Variants in PPP1R12B observed in about 807,000 individuals in gnomAD.
PPP1R12B encodes protein phosphatase 1 regulatory subunit 12B.
Under a neutral mutation model 126.1 loss-of-function variants are expected in PPP1R12B, and 76 were observed. That is an observed-to-expected ratio of 0.60 (90% CI 0.50 to 0.73). The LOEUF is 0.73. PPP1R12B is among the 30% of genes least tolerant of loss of function. The probability of loss-of-function intolerance (pLI) is 0.00; values close to 1 mark genes in which losing one functional copy is unlikely to be tolerated. For synonymous variants in PPP1R12B, 356 were observed against 434.7 expected, an observed-to-expected ratio of 0.82 and a Z score of 2.25; for missense variants, 1,052 against 1,205.1, an observed-to-expected ratio of 0.87 and a Z score of 1.88.
At chr1:202,354,297 A>G (rs1424695018) in intron 1 of PPP1R12B, among the ~76,000 whole-genome samples, 1 of 152,206 alleles carries the variant, frequency 6.6e-6, no homozygotes, top group African/African-American at 2.4e-5. Flanking sequence ...ACAGTCATTC[A>G]TCAGTTATTT....
At chr1:202,494,125 A>G (rs1423903317) in intron 15 of PPP1R12B, among the ~76,000 whole-genome samples, 3 of 152,222 alleles carry the variant, frequency 2.0e-5, no homozygotes, top group Non-Finnish European at 2.9e-5. Context: ...CACTGTGGTT[A>G]TAGAAGAAAG....
chr1:202,476,865 C>T (rs1000968929), intron 13 of PPP1R12B, among the ~76,000 whole-genome samples: 8 of 151,740 alleles, frequency 5.3e-5, no homozygotes, highest in East Asian at 1.9e-4. Context: ...CATTGGATTC[C>T]GGACAAAATT....
intron 18 of PPP1R12B, among the ~76,000 whole-genome samples, chr1:202,501,684 A>G (rs571323261): frequency 3.0e-4 from 45 of 152,326 alleles, no homozygotes; most frequent in African/African-American, 9.4e-4. Flanking sequence ...TTTTATGGTT[A>G]AGAAGACTGA....
chr1:202,490,372 G>A (rs1389449687), intron 14 of PPP1R12B, among the ~76,000 whole-genome samples: 1 of 152,164 alleles, frequency 6.6e-6, no homozygotes, highest in Non-Finnish European at 1.5e-5. Context: ...AGTAGGTCAT[G>A]TATTCTTCCT....
At chr1:202,434,621 C>T (rs766412081) in intron 8 of PPP1R12B, 35 bp from the exon 9 acceptor site, 7 of 1,589,464 alleles carry the variant, frequency 4.4e-6, no homozygotes, top group Non-Finnish European at 5.1e-6. Context: ...GATTTTTATA[C>T]TAGTACTTGT....
In PPP1R12B at chr1:202,440,756, C is replaced by T. The variant is rs890628957; in HGVS notation, c.1509C>T (p.Asn503=). ...GTTCACTAGCACCCCGGAAGCTCAA[C>T]AGCACAAGTGATATTGAAGAAAAGG... ...YISSLAPRKL[N]STSDIEEKEN... Residue 503 remains asparagine, a synonymous_variant, in exon 11 of 24, where the codon AAC becomes AAT. Transcript: ENST00000608999. 6 of 1,614,012 alleles carry T rather than the reference C, an allele frequency of 3.7e-6. No homozygotes were observed. Among genetic ancestry groups the T allele is most frequent in the Non-Finnish European group, 5.1e-6 (6 of 1,179,902 alleles).
At chr1:202,505,865 TA>T (rs1680749402) in intron 18 of PPP1R12B, among the ~76,000 whole-genome samples, 1 of 152,044 alleles carries the variant, frequency 6.6e-6, no homozygotes, top group African/African-American at 2.4e-5. Flanking sequence ...TTTTTTTTTT[TA>T]AAAGGGAAAG....
chr1:202,512,646 C>T (rs1299123561), intron 18 of PPP1R12B, among the ~76,000 whole-genome samples: 1 of 152,176 alleles, frequency 6.6e-6, no homozygotes, highest in East Asian at 1.9e-4. Context: ...GGGTTTAGCA[C>T]AGTGCCTACA....
Position 202,444,949 on chromosome 1 carries a change from A to G in PPP1R12B, c.1667+2377A>G, listed in dbSNP as rs144852409. The G allele has an allele frequency of 1.6e-3, 1,716 of 1,041,154 alleles. 4 individuals carry two copies. Among genetic ancestry groups the G allele is most frequent in the Admixed American group, 2.0e-3 (48 of 23,430 alleles). 64.5% of individuals were successfully genotyped at this position (1,041,154 alleles called of 1,614,324 possible). A position where few individuals can be genotyped will look rare whatever the true frequency, so the allele number is the denominator to read the frequency against. ...TTGTCATACCCTTTCTTTGGTCTAT[A>G]TTCATTTCAAGTGCACAATCTGGGT... On this transcript the variant is annotated intron_variant, in intron 12 of 23. Coordinates refer to ENST00000608999, the MANE Select transcript of PPP1R12B (RefSeq NM_002481.4).
intron 1 of PPP1R12B, among the ~76,000 whole-genome samples, chr1:202,395,523 G>T (rs1558173059): frequency 6.6e-6 from 1 of 152,150 alleles, no homozygotes; most frequent in Non-Finnish European, 1.5e-5. Context: ...CATTTTGGGT[G>T]ATTTTTCCCT....
intron 1 of PPP1R12B, among the ~76,000 whole-genome samples, chr1:202,382,210 G>A (rs1160621201): frequency 6.7e-6 from 1 of 150,082 alleles, no homozygotes; most frequent in Non-Finnish European, 1.5e-5. Flanking sequence ...CCTCATAGGT[G>A]GGAATTGAAC....
chr1:202,528,745 T>A (rs1415230929), intron 18 of PPP1R12B, among the ~76,000 whole-genome samples: 1 of 151,666 alleles, frequency 6.6e-6, no homozygotes, highest in Non-Finnish European at 1.5e-5. Flanking sequence ...GTTTTTGTTT[T>A]TGTTTTTTTT....
intron 2 of PPP1R12B, among the ~76,000 whole-genome samples, chr1:202,420,985 T>G (rs1182961919): frequency 8.5e-6 from 1 of 117,426 alleles, no homozygotes; most frequent in Non-Finnish European, 1.8e-5. Flanking sequence ...TTTTTTTTTT[T>G]TTTGAGATAG....
chr1:202,575,036 A>G, intron 23 of PPP1R12B: 1 of 1,613,454 alleles, frequency 6.2e-7, no homozygotes. Context: ...CAAACCTTGA[A>G]GCAGATGAAC....
In PPP1R12B at chr1:202,349,203, G is replaced by A. The variant is rs1655459307; in HGVS notation, c.291+61G>A. 3 of 1,585,512 alleles carry A rather than the reference G, an allele frequency of 1.9e-6. No individual in the cohort carries two copies. In the South Asian group the frequency reaches 3.4e-5, roughly 18 times the overall value. On this transcript the variant is annotated intron_variant, in intron 1 of 23. Transcript: ENST00000608999. ...CCTACAGATGAGCCTTTGACCCTGC[G>A]AGCCACCCCATGGGGAGTATCAGTG... is the stretch of plus-strand genomic sequence containing the variant.
At chr1:202,537,549 A>C (rs1684674579) in intron 18 of PPP1R12B, among the ~76,000 whole-genome samples, 1 of 152,192 alleles carries the variant, frequency 6.6e-6, no homozygotes, top group Non-Finnish European at 1.5e-5. Context: ...CACTTTATAA[A>C]ATATAAAAGA....
At chr1:202,470,135 C>T (rs1675638567) in intron 13 of PPP1R12B, among the ~76,000 whole-genome samples, 1 of 152,182 alleles carries the variant, frequency 6.6e-6, no homozygotes. Flanking sequence ...GGTCGTAATA[C>T]AGAGAGTCCA....
chr1:202,564,650 C>G, intron 21 of PPP1R12B, 103 bp downstream of exon 21: 2 of 877,184 alleles, frequency 2.3e-6, no homozygotes, highest in Non-Finnish European at 3.5e-6. Context: ...GAGTCAAGAT[C>G]AGGCCTTCTC....
chr1:202,526,021 G>A (rs974374842), intron 18 of PPP1R12B, among the ~76,000 whole-genome samples: 9 of 152,194 alleles, frequency 5.9e-5, no homozygotes, highest in Admixed American at 2.0e-4. Flanking sequence ...TAAGCTACAT[G>A]TTTGCTTGTG....
Sources: gnomAD v4.1 joint callset for allele counts (sites outside exome capture counted in the v4.1 genomes callset) on GRCh38, gnomAD v4.1.1 for gene constraint, MANE v1.5 for transcripts, NCBI Gene and HGNC (gene_info 2026-07-23, HGNC 2026-07-21) for gene names.